FBLN1: variants seen among roughly 807,000 people sequenced by gnomAD.
FBLN1 encodes fibulin 1, also known as fibulin-1.
A neutral mutation model predicts 89.7 loss-of-function variants in FBLN1; 34 were observed. The ratio of observed to expected loss-of-function variants is 0.38; its 90% confidence interval spans 0.29 to 0.50. FBLN1 has a LOEUF of 0.50. Among genes scored for constraint, FBLN1 ranks in the 20% least tolerant of loss-of-function variants. FBLN1 has a pLI of 0.92. For synonymous variants in FBLN1, 393 were observed against 391.3 expected (o/e 1.00, Z -0.05); for missense variants, 777 against 988.1 (o/e 0.79, Z 2.86).
chr22:45,525,733 C>T, intron 3 of FBLN1, 55 bp downstream of exon 3: 2 of 1,549,504 alleles, frequency 1.3e-6, no homozygotes, highest in South Asian at 1.2e-5. Flanking sequence ...TCGGCAGACC[C>T]AGGCCCTCCC....
At position 45,577,897 on chromosome 22, in the gene FBLN1, C is replaced by G. The variant is rs1251617158; in HGVS notation, c.1972+789C>G. 1 of 153,746 alleles carries G rather than the reference C, an allele frequency of 6.5e-6. No homozygotes were observed. The highest frequency in any genetic ancestry group is 2.4e-5 in the African/African-American group (1 of 41,478). 9.5% of individuals were successfully genotyped at this position (153,746 alleles called of 1,614,324 possible). ...CTCCATTCCGCACGCTTGTTTCTGT[C>G]ATTCACAGCCCCTCTCCTGAACTGT... On this transcript the variant is annotated intron_variant, in intron 16 of 16. Coordinates refer to ENST00000327858, the MANE Select transcript of FBLN1 (RefSeq NM_006486.3). The surrounding 1 kb of genome is among the most constrained non-coding windows in gnomAD (Gnocchi z 6.6).
intron 16 of FBLN1, among the ~76,000 whole-genome samples, chr22:45,598,945 C>T (rs2089208644): frequency 6.6e-6 from 1 of 152,230 alleles, no homozygotes; most frequent in Non-Finnish European, 1.5e-5. Context: ...CATACTCTCA[C>T]TGCGTACAGA....
chr22:45,511,807 G>A (rs9917580), intron 1 of FBLN1, among the ~76,000 whole-genome samples: 21,021 of 152,134 alleles, frequency 0.14, 1,742 homozygotes, highest in Middle Eastern at 0.27. Context: ...GTAAGGGAGG[G>A]AGCTGGATTC....
At chr22:45,517,421 C>T (rs972428708) in intron 1 of FBLN1, 8 of 387,564 alleles carry the variant, frequency 2.1e-5, no homozygotes, top group South Asian at 3.9e-5. Context: ...TTCTCCCTTC[C>T]GTGAGCTGAG....
Position 45,545,824 on chromosome 22 carries a change from A to G in FBLN1, c.1322-1261A>G, listed in dbSNP as rs561173746. On this transcript the variant is annotated intron_variant, in intron 11 of 16. Coordinates refer to ENST00000327858, the MANE Select transcript of FBLN1 (RefSeq NM_006486.3). This position sits in a 1 kb window ranked among gnomAD's most constrained non-coding sequence, Gnocchi z 5.9. Reference sequence around the variant, plus strand: ...TGCAACCGCTGAACTCTGCTGTGGTAGCAGAGAAGTGGCCAGAGGACCATG... The same window carrying G: ...TGCAACCGCTGAACTCTGCTGTGGTGGCAGAGAAGTGGCCAGAGGACCATG... Among the ~76,000 whole-genome samples the G allele has an allele frequency of 9.2e-5, 14 of 152,296 alleles. No homozygotes were observed. The highest frequency in any genetic ancestry group is 3.3e-4 in the Admixed American group (5 of 15,298).
intron 16 of FBLN1, among the ~76,000 whole-genome samples, chr22:45,596,841 T>C (rs540958066): frequency 0.01 from 1,481 of 143,100 alleles, 24 homozygotes; most frequent in African/African-American, 0.039. Flanking sequence ...TATATAAATT[T>C]ATATGTAAAT....
chr22:45,564,048 A>G (rs770862805), intron 14 of FBLN1, among the ~76,000 whole-genome samples: 3 of 152,222 alleles, frequency 2.0e-5, no homozygotes, highest in Non-Finnish European at 2.9e-5. Context: ...CAGTCCTGCC[A>G]GGCAGGTGGT....
intron 2 of FBLN1, among the ~76,000 whole-genome samples, chr22:45,521,191 C>T (rs1371303163): frequency 6.6e-6 from 1 of 152,210 alleles, no homozygotes; most frequent in Non-Finnish European, 1.5e-5. Flanking sequence ...TTCAGACATA[C>T]ATTAGATTTC....
At chr22:45,540,601 CTG>C (rs1205873486) in intron 8 of FBLN1, among the ~76,000 whole-genome samples, 1 of 152,222 alleles carries the variant, frequency 6.6e-6, no homozygotes, top group Non-Finnish European at 1.5e-5. Flanking sequence ...GAAGTGCAAT[CTG>C]TGTATTCTTC....
intron 2 of FBLN1, chr22:45,523,099 G>A (rs778395158): frequency 1.9e-5 from 15 of 772,782 alleles, no homozygotes; most frequent in Non-Finnish European, 3.6e-5. Flanking sequence ...AGAGCCGTGG[G>A]GTTGGCCTCA....
rs1039563546 is a variant in FBLN1 at position 45,581,021 on chromosome 22, C to T, written c.1972+3913C>T. Among the ~76,000 whole-genome samples the T allele has an allele frequency of 1.7e-4, 26 of 152,238 alleles. No individual in the cohort carries two copies. The highest frequency in any genetic ancestry group is 6.0e-4 in the African/African-American group (25 of 41,470). On this transcript the variant is annotated intron_variant, in intron 16 of 16. Coordinates refer to ENST00000327858, the MANE Select transcript of FBLN1 (RefSeq NM_006486.3). The surrounding 1 kb of genome is among the most constrained non-coding windows in gnomAD (Gnocchi z 7.6). ...GCTCCATTAATGCCCGAGGGATTCT[C>T]AGGCCACTACAAAGCTTTCCTTATC... is the stretch of plus-strand genomic sequence containing the variant.
At chr22:45,535,072 A>G in intron 7 of FBLN1, 128 bp from the exon 8 acceptor site, 3 of 1,078,110 alleles carry the variant, frequency 2.8e-6, no homozygotes, top group Non-Finnish European at 2.8e-6. Context: ...TGATTTCTCT[A>G]TTAGAATGTT....
rs954423219 is a variant in FBLN1, at chr22:45,574,851, G to C, written c.1840+198G>C. On this transcript the variant is annotated intron_variant, in intron 15 of 16. Transcript: ENST00000327858. The surrounding 1 kb of genome is among the most constrained non-coding windows in gnomAD (Gnocchi z 4.1). The stretch of plus-strand genomic sequence containing the variant: ...GGCTGGAGTGCAGTGGTGCCATCTC[G>C]GCTCACTGCAAGCTCCACCTCCCGG... Among the ~76,000 whole-genome samples the C allele has an allele frequency of 2.1e-5, 3 of 145,210 alleles. No homozygotes were observed. Among genetic ancestry groups the C allele is most frequent in the Non-Finnish European group, 4.5e-5 (3 of 67,400 alleles).
intron 1 of FBLN1, among the ~76,000 whole-genome samples, chr22:45,511,958 G>C (rs527873663): frequency 2.0e-5 from 3 of 152,294 alleles, no homozygotes; most frequent in Non-Finnish European, 4.4e-5. Context: ...AGATGCAGGG[G>C]TCAGATTGAG....
Position 45,562,916 on chromosome 22 carries a change from TG to T in FBLN1, c.1698-11594del. On this transcript the variant is annotated intron_variant, in intron 14 of 16. Coordinates refer to ENST00000327858, the MANE Select transcript of FBLN1 (RefSeq NM_006486.3). This position sits in a 1 kb window ranked among gnomAD's most constrained non-coding sequence, Gnocchi z 7.8. ...CTCTGCCCACTTTTCTTGCAGCCGC[TG>T]TGAGCGCTTGCCTTGCCATGAGAAT... 3 of 1,613,870 alleles carry T rather than the reference TG, an allele frequency of 1.9e-6. No individual in the cohort carries two copies. The highest frequency in any genetic ancestry group is 1.7e-6 in the Non-Finnish European group (2 of 1,180,002).
Position 45,563,085 on chromosome 22 carries a change from G to A in FBLN1, c.1698-11426G>A, listed in dbSNP as rs769526548. ...AGCATGCAGCTGGCCATCACCGGCG[G>A]CAATGAGGAGGGCTTTTTCACCACC... On this transcript the variant is annotated intron_variant, in intron 14 of 16. Transcript: ENST00000327858. This position sits in a 1 kb window ranked among gnomAD's most constrained non-coding sequence, Gnocchi z 5.7. 6.2e-7 allele frequency: 1 copy of A among 1,613,432 alleles called. No individual in the cohort carries two copies. Among genetic ancestry groups the A allele is most frequent in the Non-Finnish European group, 8.5e-7 (1 of 1,179,990 alleles).
intron 1 of FBLN1, among the ~76,000 whole-genome samples, chr22:45,515,526 G>T (rs900650720): frequency 3.9e-5 from 6 of 152,200 alleles, no homozygotes; most frequent in African/African-American, 7.2e-5. Context: ...GCAGCTCTGG[G>T]TGCAAAATTC....
rs200333117 is a variant in FBLN1, at chr22:45,535,312, A to G, written c.897A>G (p.Ile299Met). 269 of 1,614,214 alleles carry G rather than the reference A, an allele frequency of 1.7e-4. 3 individuals carry two copies. The East Asian group carries it at 5.9e-3, about 35-fold the overall frequency. ...RPKLQCKSGF[I>M]QDALGNCIDI... The stretch of plus-strand genomic sequence containing the variant: ...AGCTACAGTGCAAGAGTGGCTTTAT[A>G]CAAGATGCTCTAGGCAACTGTATTG... The change falls in exon 8 of 17, where the codon ATA (isoleucine) becomes ATG (methionine). Residue 299 changes from isoleucine (I) to methionine (M), a missense_variant. Ile to Met is a conservative substitution (Grantham distance 10). Transcript: ENST00000327858.
rs1445606901 is a variant in FBLN1 at position 45,557,696 on chromosome 22, C to G, written c.1697+7081C>G. Among the ~76,000 whole-genome samples the G allele has an allele frequency of 6.6e-6, 1 of 152,186 alleles. No individual in the cohort carries two copies. Among genetic ancestry groups the G allele is most frequent in the Non-Finnish European group, 1.5e-5 (1 of 68,032 alleles). On this transcript the variant is annotated intron_variant, in intron 14 of 16. Coordinates refer to ENST00000327858, the MANE Select transcript of FBLN1 (RefSeq NM_006486.3). This position sits in a 1 kb window ranked among gnomAD's most constrained non-coding sequence, Gnocchi z 4.9. ...TCTTTTATGTGATATGGTGAGCACT[C>G]TCATGTGATACAAATATCTTCACAG...
Sources: allele counts gnomAD v4.1 joint callset (sites outside exome capture counted in the v4.1 genomes callset), GRCh38; gene constraint gnomAD v4.1.1; non-coding constraint Gnocchi (gnomAD v3.1); transcripts MANE v1.5; gene names NCBI Gene and HGNC (gene_info 2026-07-23, HGNC 2026-07-21).